PARD3: variants seen among roughly 807,000 people sequenced by gnomAD.
PARD3 encodes the protein par-3 family cell polarity regulator, also known as partitioning defective 3 homolog.
PARD3 carries 75 observed loss-of-function variants against 155.4 expected under a neutral mutation model. That is an observed-to-expected ratio of 0.48 (90% CI 0.40 to 0.58). The LOEUF (loss-of-function observed/expected upper bound fraction) is 0.58, where lower values mean the gene tolerates loss of function less well. Ranked by LOEUF, PARD3 falls within the 20% of genes least tolerant of loss-of-function variation. The pLI is 0.00. For synonymous variants in PARD3, 576 were observed against 610.5 expected, an observed-to-expected ratio of 0.94 and a Z score of 0.83; for missense variants, 1,642 against 1,721.7, an observed-to-expected ratio of 0.95 and a Z score of 0.82.
In PARD3 at chr10:34,750,267, G is replaced by GA. The variant is rs1249174248; in HGVS notation, c.121-53849dup. Among the ~76,000 whole-genome samples, 4 of 151,318 alleles carry GA rather than the reference G, an allele frequency of 2.6e-5. No homozygotes were observed. In the South Asian group the frequency reaches 6.3e-4, roughly 24 times the overall value. ...GTTTGGGATTGAAAACAGAAGAAGA[G>GA]AAAAAAACAAATAAAACAGTATATC... On this transcript the variant is annotated intron_variant, in intron 1 of 24. Coordinates refer to ENST00000374788, the MANE Select transcript of PARD3 (RefSeq NM_001184785.2).
chr10:34,356,806 T>C (rs1190940919), intron 14 of PARD3, among the ~76,000 whole-genome samples: 1 of 152,246 alleles, frequency 6.6e-6, no homozygotes, highest in Non-Finnish European at 1.5e-5. Context: ...CATGTAATTC[T>C]TTAGTTAAAC....
intron 2 of PARD3, among the ~76,000 whole-genome samples, chr10:34,688,283 C>G (rs1179660376): frequency 6.6e-6 from 1 of 152,046 alleles, no homozygotes; most frequent in Non-Finnish European, 1.5e-5. Flanking sequence ...GCTGTACTAC[C>G]CACAGGGAAT....
rs538303925 is a variant in PARD3, at chr10:34,760,984, A to G, written c.120+53892T>C. On this transcript the variant is annotated intron_variant, in intron 1 of 24. Transcript: ENST00000374788. Reference sequence around the variant, plus strand: ...ATACTGCAATAAATAAATTAAATTAAATTGGATAATTAATATATTTCTTTA... The same window carrying G: ...ATACTGCAATAAATAAATTAAATTAGATTGGATAATTAATATATTTCTTTA... Among the ~76,000 whole-genome samples the G allele has an allele frequency of 1.0e-3, 157 of 152,308 alleles. 1 individual carries two copies. Among genetic ancestry groups the G allele is most frequent in the African/African-American group, 3.7e-3 (154 of 41,556 alleles).
intron 2 of PARD3, among the ~76,000 whole-genome samples, chr10:34,605,643 A>ATATATATATCTCC: frequency 1.8e-5 from 1 of 54,700 alleles, no homozygotes; most frequent in Non-Finnish European, 3.0e-5. Context: ...TATATCTCCT[A>ATATATATATCTCC]TATATATATA....
chr10:34,692,456 G>A (rs2094083313), intron 2 of PARD3, among the ~76,000 whole-genome samples: 1 of 152,142 alleles, frequency 6.6e-6, no homozygotes, highest in African/African-American at 2.4e-5. Context: ...ACTATCAACA[G>A]AGTAAACAGA....
chr10:34,558,321 G>A (rs896484170), intron 2 of PARD3, among the ~76,000 whole-genome samples: 7 of 152,118 alleles, frequency 4.6e-5, no homozygotes, highest in African/African-American at 1.7e-4. Context: ...TTCTTAATAG[G>A]ACTTCTGCTT....
chr10:34,419,953 A>G (rs7900667), intron 5 of PARD3, among the ~76,000 whole-genome samples: 2,066 of 152,226 alleles, frequency 0.014, 18 homozygotes, highest in Middle Eastern at 0.038. Context: ...TTGACTGATT[A>G]ATTGATTGAT....
At position 34,447,466 on chromosome 10, in the gene PARD3, G is replaced by A. The variant is rs2076799523; in HGVS notation, c.714+2851C>T. On this transcript the variant is annotated intron_variant, in intron 5 of 24. Coordinates refer to ENST00000374788, the MANE Select transcript of PARD3 (RefSeq NM_001184785.2). Reference sequence around the variant, plus strand: ...ACTGCACTCTAGCCTGGGCAACAGAGCAAGACTGCGTCTCAAAAAAAAAAA... The same window carrying A: ...ACTGCACTCTAGCCTGGGCAACAGAACAAGACTGCGTCTCAAAAAAAAAAA... Among the ~76,000 whole-genome samples the A allele has an allele frequency of 3.0e-5, 3 of 99,772 alleles. No individual in the cohort carries two copies. The South Asian group carries it at 1.1e-3, about 36-fold the overall frequency. 65.5% of individuals were successfully genotyped at this position (99,772 alleles called of 152,430 possible). A position where few individuals can be genotyped will look rare whatever the true frequency, so the allele number is the denominator to read the frequency against.
chr10:34,596,334 T>C (rs1335151616), intron 2 of PARD3, among the ~76,000 whole-genome samples: 1 of 152,180 alleles, frequency 6.6e-6, no homozygotes, highest in Non-Finnish European at 1.5e-5. Flanking sequence ...GCCCTTGTAT[T>C]AGTCTGATCT....
At chr10:34,665,615 G>A (rs111927692) in intron 2 of PARD3, among the ~76,000 whole-genome samples, 7,347 of 150,496 alleles carry the variant, frequency 0.049, 551 homozygotes, top group African/African-American at 0.16. Context: ...CGAGGCAGGC[G>A]GATCACGAGG....
intron 3 of PARD3, among the ~76,000 whole-genome samples, chr10:34,513,580 C>A (rs1359647741): frequency 6.6e-6 from 1 of 152,166 alleles, no homozygotes; most frequent in African/African-American, 2.4e-5. Flanking sequence ...CGCACCCAGC[C>A]TGGATTATCT....
chr10:34,305,349 G>A (rs777990932), intron 20 of PARD3, among the ~76,000 whole-genome samples: 2 of 152,228 alleles, frequency 1.3e-5, no homozygotes, highest in Non-Finnish European at 2.9e-5. Flanking sequence ...AGCGCCTCCA[G>A]TGGGCGAGGC....
In PARD3 at chr10:34,605,960, A is replaced by C. The variant is rs1466179015; in HGVS notation, c.223-88801T>G. ...ATATATATATCTCCTATATATATAT[A>C]TCTCCTATATCTATATCTCCTATAT... On this transcript the variant is annotated intron_variant, in intron 2 of 24. Coordinates refer to ENST00000374788, the MANE Select transcript of PARD3 (RefSeq NM_001184785.2). Among the ~76,000 whole-genome samples, 31 of 113,254 alleles carry C rather than the reference A, an allele frequency of 2.7e-4. 2 individuals carry two copies. The highest frequency in any genetic ancestry group is 3.6e-4 in the Non-Finnish European group (21 of 58,444). The allele number at this position is 113,254 out of a possible 152,430, so 74.3% of individuals were successfully genotyped here.
intron 21 of PARD3, among the ~76,000 whole-genome samples, chr10:34,272,909 A>AC (rs1455386190): frequency 6.6e-6 from 1 of 152,208 alleles, no homozygotes; most frequent in Non-Finnish European, 1.5e-5. Flanking sequence ...TGCAAATAAG[A>AC]CCATGATGAG....
At chr10:34,115,768 A>T (rs1307535014) in intron 24 of PARD3, among the ~76,000 whole-genome samples, 11 of 148,020 alleles carry the variant, frequency 7.4e-5, no homozygotes, top group Non-Finnish European at 1.5e-4. Flanking sequence ...GCTGGAGTGC[A>T]GTGGCGCGAT....
intron 1 of PARD3, among the ~76,000 whole-genome samples, chr10:34,790,298 A>C (rs1415284431): frequency 1.3e-5 from 2 of 152,214 alleles, no homozygotes; most frequent in Admixed American, 6.5e-5. Flanking sequence ...CTAATTTACC[A>C]ATCAGTCTGA....
chr10:34,699,616 C>T (rs2094237125), intron 1 of PARD3, among the ~76,000 whole-genome samples: 1 of 152,176 alleles, frequency 6.6e-6, no homozygotes, highest in Non-Finnish European at 1.5e-5. Flanking sequence ...AAAATAATAA[C>T]AGTAGGAATC....
At chr10:34,295,039 A>G (rs764364524) in intron 20 of PARD3, among the ~76,000 whole-genome samples, 1 of 152,152 alleles carries the variant, frequency 6.6e-6, no homozygotes, top group Non-Finnish European at 1.5e-5. Flanking sequence ...CCACCTCCAC[A>G]AAAACTCAAA....
chr10:34,738,965 G>C (rs532056025), intron 1 of PARD3, among the ~76,000 whole-genome samples: 1 of 152,296 alleles, frequency 6.6e-6, no homozygotes, highest in East Asian at 1.9e-4. Flanking sequence ...AAATGGTAAT[G>C]ATTGATATAT....
Sources: gnomAD v4.1 joint callset for allele counts (sites outside exome capture counted in the v4.1 genomes callset) on GRCh38, gnomAD v4.1.1 for gene constraint, MANE v1.5 for transcripts, NCBI Gene and HGNC (gene_info 2026-07-23, HGNC 2026-07-21) for gene names.